Variants in PTPN14 observed in about 807,000 individuals in gnomAD.
The protein encoded by PTPN14 is tyrosine-protein phosphatase non-receptor type 14.
PTPN14 carries 53 observed loss-of-function variants against 126.8 expected under a neutral mutation model. That is an observed-to-expected ratio of 0.42 (90% confidence interval 0.34 to 0.53). PTPN14 has a LOEUF of 0.53. Among genes scored for constraint, PTPN14 ranks in the 20% least tolerant of loss-of-function variants. The probability of loss-of-function intolerance (pLI) is 0.08; values close to 1 mark genes in which losing one functional copy is unlikely to be tolerated. For synonymous variants in PTPN14, 630 were observed against 599.3 expected (o/e 1.05, Z -0.75); for missense variants, 1,257 against 1,552.9 (o/e 0.81, Z 3.20).
intron 1 of PTPN14, chr1:214,533,175 G>A: frequency 1.3e-6 from 1 of 751,886 alleles, no homozygotes; most frequent in Non-Finnish European, 2.3e-6. Context: ...GCTACACCCT[G>A]CAGATGGAGC....
rs79775307 is a variant in PTPN14 at position 214,538,907 on chromosome 1, C to T, written c.-155+12276G>A. Among the ~76,000 whole-genome samples, 4 of 152,128 alleles carry T rather than the reference C, an allele frequency of 2.6e-5. No individual in the cohort carries two copies. The East Asian group carries it at 5.8e-4, about 22-fold the overall frequency. ...CTCAGTGTCTCAAATTTAAACTGAACGTTACTCTTCAATGTACTATAAAGA... is the reference window on the plus strand; with the variant it reads ...CTCAGTGTCTCAAATTTAAACTGAATGTTACTCTTCAATGTACTATAAAGA... On this transcript the variant is annotated intron_variant, in intron 1 of 18. Transcript: ENST00000366956.
chr1:214,390,093 C>G (rs1658714705), intron 11 of PTPN14, among the ~76,000 whole-genome samples: 1 of 152,134 alleles, frequency 6.6e-6, no homozygotes, highest in Non-Finnish European at 1.5e-5. Context: ...ATAGTGTATA[C>G]ACTGAATATG....
chr1:214,442,791 A>G (rs1660062755), intron 3 of PTPN14, among the ~76,000 whole-genome samples: 1 of 151,544 alleles, frequency 6.6e-6, no homozygotes, highest in Non-Finnish European at 1.5e-5. Context: ...AGGTTGCCTC[A>G]ATAGCTAACT....
intron 5 of PTPN14, among the ~76,000 whole-genome samples, chr1:214,408,918 G>A (rs1258998865): frequency 6.6e-6 from 1 of 151,854 alleles, no homozygotes; most frequent in African/African-American, 2.4e-5. Flanking sequence ...ATGAGAGAGA[G>A]GGAAGCAAAG....
chr1:214,465,951 C>CTTTTTTTTTTTTTTTTTGTTTT (rs1660626494), intron 1 of PTPN14, among the ~76,000 whole-genome samples: 1 of 59,024 alleles, frequency 1.7e-5, no homozygotes, highest in Non-Finnish European at 2.9e-5. Flanking sequence ...CAGTTACTTC[C>CTTTTTTTTTTTTTTTTTGTTTT]TTTTTTTTTT....
intron 1 of PTPN14, among the ~76,000 whole-genome samples, chr1:214,474,226 C>T (rs1337250178): frequency 6.6e-6 from 1 of 152,208 alleles, no homozygotes; most frequent in Non-Finnish European, 1.5e-5. Context: ...GCAACCTGAT[C>T]TATGTAGAAC....
At chr1:214,536,213 G>A (rs902298959) in intron 1 of PTPN14, among the ~76,000 whole-genome samples, 1 of 152,050 alleles carries the variant, frequency 6.6e-6, no homozygotes, top group African/African-American at 2.4e-5. Context: ...TTCGAGACCA[G>A]CCTGGGCAAC....
At chr1:214,459,456 C>T (rs2102645069) in intron 2 of PTPN14, among the ~76,000 whole-genome samples, 1 of 146,628 alleles carries the variant, frequency 6.8e-6, no homozygotes, top group African/African-American at 2.5e-5. Flanking sequence ...CCCAGCTGAT[C>T]CCCACTCTTT....
At chr1:214,532,135 G>A in intron 1 of PTPN14, 1 of 269,860 alleles carries the variant, frequency 3.7e-6, no homozygotes, top group Non-Finnish European at 7.4e-6. Context: ...TGAAGTAGTA[G>A]TATACTGAGG....
chr1:214,536,165 G>A (rs895944207), intron 1 of PTPN14, among the ~76,000 whole-genome samples: 1 of 151,572 alleles, frequency 6.6e-6, no homozygotes, highest in Non-Finnish European at 1.5e-5. Context: ...CAAGGCCGGG[G>A]TGGGGTGGGG....
At chr1:214,388,135 G>A (rs796639706) in intron 11 of PTPN14, among the ~76,000 whole-genome samples, 2 of 152,268 alleles carry the variant, frequency 1.3e-5, no homozygotes, top group African/African-American at 4.8e-5. Flanking sequence ...AACTTCAATG[G>A]ATTAAATATT....
intron 5 of PTPN14, 65 bp downstream of exon 5, chr1:214,411,619 A>G: frequency 8.0e-7 from 1 of 1,245,742 alleles, no homozygotes; most frequent in Non-Finnish European, 1.1e-6. Flanking sequence ...TGAAATTTTC[A>G]AAGGAAAGAA....
chr1:214,525,769 C>A (rs1056801824), intron 1 of PTPN14, among the ~76,000 whole-genome samples: 3 of 152,084 alleles, frequency 2.0e-5, no homozygotes, highest in Non-Finnish European at 4.4e-5. Flanking sequence ...ACCAAAATAG[C>A]TAATTAGTGA....
intron 1 of PTPN14, among the ~76,000 whole-genome samples, chr1:214,520,427 G>A (rs1177060677): frequency 6.6e-6 from 1 of 152,142 alleles, no homozygotes; most frequent in Non-Finnish European, 1.5e-5. Flanking sequence ...ACAACACTAA[G>A]AATGGTGGAA....
chr1:214,393,620 T>A lies in PTPN14; in HGVS notation c.929+75A>T. ...GAAAAAGAGTGAATAGGAAAAGAGA[T>A]CTACAGCACCCCAAAAGGACATTAA... On this transcript the variant is annotated intron_variant, in intron 10 of 18. Transcript: ENST00000366956. 3.4e-6 allele frequency: 4 copies of A among 1,169,320 alleles called. No individual in the cohort carries two copies. The South Asian group carries it at 3.9e-5, about 11-fold the overall frequency. 72.4% of individuals were successfully genotyped at this position (1,169,320 alleles called of 1,614,324 possible).
intron 7 of PTPN14, among the ~76,000 whole-genome samples, chr1:214,399,072 G>A (rs1490639403): frequency 6.6e-6 from 1 of 152,186 alleles, no homozygotes; most frequent in Non-Finnish European, 1.5e-5. Flanking sequence ...CGGCCTAAAG[G>A]AGTAAATTTT....
intron 18 of PTPN14, among the ~76,000 whole-genome samples, chr1:214,360,787 G>A (rs929417228): frequency 6.6e-6 from 1 of 152,190 alleles, no homozygotes; most frequent in East Asian, 1.9e-4. Context: ...GTTATGTGAG[G>A]ATACTGATAT....
At chr1:214,535,196 C>T (rs1027406870) in intron 1 of PTPN14, among the ~76,000 whole-genome samples, 5 of 152,098 alleles carry the variant, frequency 3.3e-5, no homozygotes, top group African/African-American at 1.2e-4. Flanking sequence ...TTCATCTGCA[C>T]CTACATCTAT....
At chr1:214,455,976 A>AT (rs1660372578) in intron 2 of PTPN14, among the ~76,000 whole-genome samples, 1 of 152,194 alleles carries the variant, frequency 6.6e-6, no homozygotes, top group East Asian at 1.9e-4. Context: ...AAGAAATAAA[A>AT]TCTATTAAAA....
Sources: allele counts gnomAD v4.1 joint callset (sites outside exome capture counted in the v4.1 genomes callset), GRCh38; gene constraint gnomAD v4.1.1; transcripts MANE v1.5; gene names NCBI Gene and HGNC (gene_info 2026-07-23, HGNC 2026-07-21).